Variants in FOXRED2 observed in about 807,000 individuals in gnomAD.
FOXRED2 encodes the protein FAD-dependent oxidoreductase domain-containing protein 2.
Under a neutral mutation model 52.5 loss-of-function variants are expected in FOXRED2, and 32 were observed. The observed-to-expected ratio is 0.61, with a 90% CI of 0.46 to 0.82. The LOEUF is 0.82. Ranked by LOEUF, FOXRED2 falls within the 40% of genes least tolerant of loss-of-function variation. The pLI, the probability that FOXRED2 is intolerant of heterozygous loss-of-function variation, is 0.00. For missense variants in FOXRED2, 848 were observed against 937.5 expected, an observed-to-expected ratio of 0.90 and a Z score of 1.25; for synonymous variants, 405 against 398.1, an observed-to-expected ratio of 1.02 and a Z score of -0.21.
rs773470942 is a variant in FOXRED2 at position 36,506,231 on chromosome 22, C to T, written c.192G>A (p.Arg64=). The part of the protein sequence containing the change: ...RDYAVFERAP[R]PGSFFTRYPR... ...GGTAGCGTGTGAAGAAGCTGCCGGG[C>T]CGCGGGGCCCGCTCGAACACTGCGT... The change falls in exon 2 of 9, where the codon CGG becomes CGA. Residue 64 remains arginine, a synonymous_variant. Transcript: ENST00000397224. The T allele has an allele frequency of 1.2e-6, 2 of 1,613,682 alleles. No homozygotes were observed. The highest frequency in any genetic ancestry group is 8.5e-7 in the Non-Finnish European group (1 of 1,179,872).
rs765228908 is a variant in FOXRED2 at position 36,506,249 on chromosome 22, C to A, written c.174G>T (p.Val58=). The part of the protein sequence containing the change: ...FLQRAGRDYA[V]FERAPRPGSF... ...TGCCGGGCCGCGGGGCCCGCTCGAA[C>A]ACTGCGTAGTCGCGTCCAGCGCGCT... Residue 58 remains valine (V), a synonymous_variant, in exon 2 of 9, where the codon GTG becomes GTT. Transcript: ENST00000397224. The A allele has an allele frequency of 1.9e-6, 3 of 1,613,160 alleles. No homozygotes were observed. The highest frequency in any genetic ancestry group is 2.5e-6 in the Non-Finnish European group (3 of 1,179,740).
rs772714049 is a variant in FOXRED2 at position 36,496,026 on chromosome 22, T to C, written c.1565A>G (p.Asp522Gly). ...ATGAAGAAAGTTAGACTGCCAGGCA[T>C]CTTCTGTGTGCCCCACAGACCGGTC... The part of the protein sequence containing the change: ...FDDRSVGHTE[D>G]AWQSNFLHPV... The change falls in exon 7 of 9, where the codon GAT (aspartate) becomes GGT (glycine). Residue 522 changes from aspartate (D) to glycine (G), a missense_variant. Transcript: ENST00000397224. 1.1e-5 allele frequency: 18 copies of C among 1,614,232 alleles called. No individual in the cohort carries two copies. The highest frequency in any genetic ancestry group is 1.5e-5 in the Non-Finnish European group (18 of 1,180,022).
In FOXRED2 at chr22:36,504,724, A is replaced by G. The variant is rs540094773; in HGVS notation, c.570T>C (p.Val190=). ...CTGCATATTCGGAGCCAGGGAAGTC[A>G]ACCTGGTTGGGGACTGATAAACCAG... The part of the protein sequence containing the change: ...VATGLSVPNQ[V]DFPGSEYAEG... The change falls in exon 3 of 9, where the codon GTT becomes GTC. Residue 190 remains valine (V), a synonymous_variant. Coordinates refer to ENST00000397224, the MANE Select transcript of FOXRED2 (RefSeq NM_001102371.2). The G allele has an allele frequency of 1.3e-5, 21 of 1,614,168 alleles. No individual in the cohort carries two copies. The South Asian group carries it at 2.3e-4, about 18-fold the overall frequency.
At chr22:36,503,650 T>C (rs1568992126) in intron 4 of FOXRED2, among the ~76,000 whole-genome samples, 1 of 152,160 alleles carries the variant, frequency 6.6e-6, no homozygotes, top group Non-Finnish European at 1.5e-5. Context: ...AATAACCATA[T>C]GAGAAACAAA....
intron 4 of FOXRED2, among the ~76,000 whole-genome samples, chr22:36,501,940 C>T (rs1030619716): frequency 2.0e-5 from 3 of 148,990 alleles, no homozygotes; most frequent in Non-Finnish European, 3.0e-5. Context: ...CCGAGGCGGG[C>T]GAGTCACAAG....
At chr22:36,494,923 G>C (rs1984736) in intron 7 of FOXRED2, among the ~76,000 whole-genome samples, 2 of 151,116 alleles carry the variant, frequency 1.3e-5, no homozygotes, top group African/African-American at 2.4e-5. Flanking sequence ...AGGCGTGAGC[G>C]ACCGCGCCCG....
chr22:36,496,882 G>A (rs1933914205), intron 6 of FOXRED2, among the ~76,000 whole-genome samples: 1 of 152,110 alleles, frequency 6.6e-6, no homozygotes, highest in South Asian at 2.1e-4. Context: ...TTTGCATGTG[G>A]GGTGTTGAGA....
rs751914446 is a variant in FOXRED2, at chr22:36,495,966, C to T, written c.1624+1G>A. ...TTGGGGAAGGGCAGAGACCTGCTCA[C>T]CGGTGGGGAGGTATCTATAGTAGTA... On this transcript the variant is annotated splice_donor_variant, in intron 7 of 8. Coordinates refer to ENST00000397224, the MANE Select transcript of FOXRED2 (RefSeq NM_001102371.2). LOFTEE classifies it high-confidence loss of function. 1.9e-6 allele frequency: 3 copies of T among 1,613,562 alleles called. No individual in the cohort carries two copies. The highest frequency in any genetic ancestry group is 2.5e-6 in the Non-Finnish European group (3 of 1,179,476).
rs1603491810 is a variant in FOXRED2 at position 36,489,922 on chromosome 22, A to G, written c.*86T>C. The G allele has an allele frequency of 2.3e-6, 3 of 1,331,006 alleles. No individual in the cohort carries two copies. The highest frequency in any genetic ancestry group is 1.5e-5 in the African/African-American group (1 of 67,692). 82.4% of individuals were successfully genotyped at this position (1,331,006 alleles called of 1,614,324 possible). ...TCTTTGGCAATCACGCATTGGCGGG[A>G]GTGTGAGGTTGCGGGGAAAGAGGGA... On this transcript the variant is annotated 3_prime_UTR_variant, in exon 9 of 9. Transcript: ENST00000397224.
rs560259502 is a variant in FOXRED2, at chr22:36,504,501, G to A, written c.779+14C>T. ...GCTCCCAGCACAGAACACACATGCG[G>A]GGATGTGGCCTACCTGAGGTCTCCA... On this transcript the variant is annotated intron_variant, in intron 3 of 8. Transcript: ENST00000397224. 35 of 1,614,006 alleles carry A rather than the reference G, an allele frequency of 2.2e-5. No individual in the cohort carries two copies. The South Asian group carries it at 3.1e-4, about 14-fold the overall frequency.
At chr22:36,496,229 G>C (rs1163350211) in intron 6 of FOXRED2, 21 bp from the exon 7 acceptor site, 1 of 1,612,524 alleles carries the variant, frequency 6.2e-7, no homozygotes, top group Non-Finnish European at 8.5e-7. Context: ...AGCAACGCGG[G>C]GGAGGCCCTC....
At position 36,504,623 on chromosome 22, in the gene FOXRED2, G is replaced by A. The variant is rs1230143319; in HGVS notation, c.671C>T (p.Ser224Leu). ...GATGTTCTCTGCTGTCTCAAAGGCC[G>A]AGTTCCCACGACCCAGGATCAGCAC... is the stretch of plus-strand genomic sequence containing the variant. ...QNVLILGRGN[S>L]AFETAENILG... Residue 224 changes from serine (S) to leucine (L), a missense_variant, in exon 3 of 9, where the codon TCG (serine) becomes TTG (leucine). Transcript: ENST00000397224. 3.7e-6 allele frequency: 6 copies of A among 1,614,024 alleles called. No individual in the cohort carries two copies. The highest frequency in any genetic ancestry group is 2.7e-5 in the African/African-American group (2 of 74,908).
rs1249529952 is a variant in FOXRED2, at chr22:36,504,272, C to T, written c.875G>A (p.Ser292Asn). 1.9e-6 allele frequency: 3 copies of T among 1,614,204 alleles called. No individual in the cohort carries two copies. The highest frequency in any genetic ancestry group is 2.2e-5 in the South Asian group (2 of 91,084). The change falls in exon 4 of 9, where the codon AGC (serine) becomes AAC (asparagine). Residue 292 changes from serine to asparagine, a missense_variant. Physicochemically the swap from Ser to Asn is conservative, Grantham distance 46 (BLOSUM62 1). Coordinates refer to ENST00000397224, the MANE Select transcript of FOXRED2 (RefSeq NM_001102371.2). ...CGGGGTGACATGGAACTTGCCTTTG[C>T]TGTCCTTCAGGATGGCCAGATCCGT... is the stretch of plus-strand genomic sequence containing the variant. Reference protein sequence around the residue: ...DLTDLAILKDSKGKFHVTPKF... With the variant: ...DLTDLAILKDNKGKFHVTPKF...
In FOXRED2 at chr22:36,498,053, C is replaced by A; in HGVS notation, c.1320G>T (p.Val440=). ...TQLTSSIVRR[V]NEASGLYQMF... is the part of the protein sequence containing the mutation. Reference sequence around the variant, plus strand: ...TCTGGTAGAGCCCAGAAGCCTCATTCACGCGCCGCACGATGGAGCTGGTCA... The same window carrying A: ...TCTGGTAGAGCCCAGAAGCCTCATTAACGCGCCGCACGATGGAGCTGGTCA... Residue 440 remains valine (V), a synonymous_variant, in exon 6 of 9, where the codon GTG becomes GTT. Coordinates refer to ENST00000397224, the MANE Select transcript of FOXRED2 (RefSeq NM_001102371.2). 1 of 1,614,116 alleles carries A rather than the reference C, an allele frequency of 6.2e-7. No homozygotes were observed. The highest frequency in any genetic ancestry group is 1.1e-5 in the South Asian group (1 of 91,076).
At chr22:36,505,071 T>C (rs536738270) in intron 2 of FOXRED2, among the ~76,000 whole-genome samples, 46 of 152,300 alleles carry the variant, frequency 3.0e-4, no homozygotes, top group Admixed American at 9.2e-4. Context: ...AGAATTCACC[T>C]AACTTTGCAC....
Position 36,504,314 on chromosome 22 carries a change from A to T in FOXRED2, c.833T>A (p.Leu278Gln), listed in dbSNP as rs1171409863. 1 of 1,614,090 alleles carries T rather than the reference A, an allele frequency of 6.2e-7. No homozygotes were observed. Among genetic ancestry groups the T allele is most frequent in the Non-Finnish European group, 8.5e-7 (1 of 1,180,046 alleles). ...CAGATCCGTCAGGTCAGACTCGAGC[A>T]GCCCGTCCAGGGACTTGAGCTGGTA... Reference protein sequence around the residue: ...DTYQLKSLDGLLESDLTDLAI... With the variant: ...DTYQLKSLDGQLESDLTDLAI... Residue 278 changes from leucine to glutamine, a missense_variant, in exon 4 of 9, where the codon CTG becomes CAG. Physicochemically the swap from Leu to Gln is moderately radical, Grantham distance 113. Transcript: ENST00000397224.
At position 36,504,621 on chromosome 22, in the gene FOXRED2, C is replaced by T. The variant is rs775848102; in HGVS notation, c.673G>A (p.Ala225Thr). 1.2e-6 allele frequency: 2 copies of T among 1,614,164 alleles called. No individual in the cohort carries two copies. The highest frequency in any genetic ancestry group is 1.1e-5 in the South Asian group (1 of 91,084). The stretch of plus-strand genomic sequence containing the variant: ...AAGATGTTCTCTGCTGTCTCAAAGG[C>T]CGAGTTCCCACGACCCAGGATCAGC... ...NVLILGRGNSAFETAENILGV... is the reference protein window; with the variant it reads ...NVLILGRGNSTFETAENILGV... Residue 225 changes from alanine to threonine, a missense_variant, in exon 3 of 9, where the codon GCC becomes ACC. Coordinates refer to ENST00000397224, the MANE Select transcript of FOXRED2 (RefSeq NM_001102371.2).
At position 36,504,709 on chromosome 22, in the gene FOXRED2, G is replaced by A. The variant is rs772133480; in HGVS notation, c.585C>T (p.Ser195=). The change falls in exon 3 of 9, where the codon TCC becomes TCT. Residue 195 remains serine, a synonymous_variant. Transcript: ENST00000397224. ...CGGACTCGTAACCCTCTGCATATTC[G>A]GAGCCAGGGAAGTCAACCTGGTTGG... ...SVPNQVDFPG[S]EYAEGYESVS... The A allele has an allele frequency of 8.7e-6, 14 of 1,613,894 alleles. No individual in the cohort carries two copies. Among genetic ancestry groups the A allele is most frequent in the African/African-American group, 5.3e-5 (4 of 74,854 alleles).
At chr22:36,494,472 G>A (rs185467178) in intron 7 of FOXRED2, among the ~76,000 whole-genome samples, 4 of 152,066 alleles carry the variant, frequency 2.6e-5, no homozygotes, top group Non-Finnish European at 4.4e-5. Context: ...TCAGATAGAG[G>A]CGAGGGGTCT....
Sources: gnomAD v4.1 joint callset for allele counts (sites outside exome capture counted in the v4.1 genomes callset) on GRCh38, gnomAD v4.1.1 for gene constraint, MANE v1.5 for transcripts, NCBI Gene and HGNC (gene_info 2026-07-23, HGNC 2026-07-21) for gene names.